GPC6: variants seen among roughly 807,000 people sequenced by gnomAD.
GPC6 encodes glypican-6.
Under a neutral mutation model 55.2 loss-of-function variants are expected in GPC6, and 14 were observed. The observed-to-expected ratio is 0.25, with a 90% confidence interval of 0.17 to 0.40. GPC6 has a LOEUF of 0.40. Among genes scored for constraint, GPC6 ranks in the 10% least tolerant of loss-of-function variants. GPC6 has a pLI of 1.00. For missense variants in GPC6, 641 were observed against 708.5 expected (o/e 0.90, Z 1.08); for synonymous variants, 278 against 259.6 (o/e 1.07, Z -0.68).
At chr13:94,354,628 C>T (rs935381198) in intron 6 of GPC6, among the ~76,000 whole-genome samples, 1 of 152,216 alleles carries the variant, frequency 6.6e-6, no homozygotes, top group Non-Finnish European at 1.5e-5. Flanking sequence ...TCAGCACAGT[C>T]CCTGCTATTC....
At chr13:93,919,850 T>G (rs1484105977) in intron 3 of GPC6, among the ~76,000 whole-genome samples, 3 of 152,212 alleles carry the variant, frequency 2.0e-5, no homozygotes, top group Admixed American at 6.5e-5. Context: ...AAAGAAGATG[T>G]AGCTTATTAT....
intron 2 of GPC6, among the ~76,000 whole-genome samples, chr13:93,628,198 T>G (rs1054696503): frequency 6.6e-6 from 1 of 152,232 alleles, no homozygotes; most frequent in South Asian, 2.1e-4. Context: ...AATTTATTAG[T>G]TGTCTGTTCC....
rs1886458623 is a variant in GPC6, at chr13:93,803,908, G to T, written c.320-26246G>T. Among the ~76,000 whole-genome samples the T allele has an allele frequency of 2.6e-5, 4 of 152,062 alleles. No homozygotes were observed. In the South Asian group the frequency reaches 8.3e-4, roughly 31 times the overall value. Reference sequence around the variant, plus strand: ...GTGGCTGGGGTGGGGAATGGTAGAGGGTTGGGAGAAAATCAGAACGGCTGC... The same window carrying T: ...GTGGCTGGGGTGGGGAATGGTAGAGTGTTGGGAGAAAATCAGAACGGCTGC... On this transcript the variant is annotated intron_variant, in intron 2 of 8. Coordinates refer to ENST00000377047, the MANE Select transcript of GPC6 (RefSeq NM_005708.5).
At chr13:94,169,892 G>GAA (rs372795498) in intron 4 of GPC6, among the ~76,000 whole-genome samples, 13 of 151,692 alleles carry the variant, frequency 8.6e-5, no homozygotes, top group African/African-American at 3.1e-4. Context: ...CAGAGAAAAT[G>GAA]AAAAAAAATG....
At chr13:93,702,288 G>A (rs938592611) in intron 2 of GPC6, among the ~76,000 whole-genome samples, 4 of 151,948 alleles carry the variant, frequency 2.6e-5, no homozygotes, top group African/African-American at 7.2e-5. Context: ...ATTTTGATAG[G>A]AATCTTTTTT....
chr13:94,140,959 G>C (rs1887354202), intron 4 of GPC6, among the ~76,000 whole-genome samples: 3 of 151,708 alleles, frequency 2.0e-5, no homozygotes, highest in Non-Finnish European at 4.4e-5. Context: ...ATAGATGTAG[G>C]CATGTGTTAA....
chr13:93,619,111 A>C lies in GPC6; in HGVS notation c.319+73690A>C, dbSNP rs753313866. ...CATATATATGATCTGTCAATGACAG[A>C]AAAGTCATTATGTGGTACATGACTG... On this transcript the variant is annotated intron_variant, in intron 2 of 8. Transcript: ENST00000377047. Among the ~76,000 whole-genome samples the C allele has an allele frequency of 3.9e-5, 6 of 152,178 alleles. No individual in the cohort carries two copies. The South Asian group carries it at 1.2e-3, about 31-fold the overall frequency.
intron 2 of GPC6, among the ~76,000 whole-genome samples, chr13:93,649,271 C>A (rs774760424): frequency 7.2e-5 from 11 of 152,088 alleles, no homozygotes; most frequent in Non-Finnish European, 1.6e-4. Context: ...AGCAACATGG[C>A]AAAAACCTGT....
At chr13:93,999,604 T>C (rs767381319) in intron 3 of GPC6, among the ~76,000 whole-genome samples, 21 of 152,230 alleles carry the variant, frequency 1.4e-4, no homozygotes, top group Admixed American at 2.6e-4. Flanking sequence ...TCATCCCTGT[T>C]GTTGCAAATG....
intron 4 of GPC6, among the ~76,000 whole-genome samples, chr13:94,266,080 C>T (rs1891791858): frequency 6.6e-6 from 1 of 152,046 alleles, no homozygotes. Flanking sequence ...CTTGACCTCT[C>T]ATCACCTGCA....
intron 1 of GPC6, among the ~76,000 whole-genome samples, chr13:93,522,126 A>G (rs2139400852): frequency 6.6e-6 from 1 of 152,100 alleles, no homozygotes; most frequent in South Asian, 2.1e-4. Flanking sequence ...AAAACTAAGC[A>G]GTTTCTAGGC....
At chr13:94,084,209 C>G (rs1594723045) in intron 4 of GPC6, among the ~76,000 whole-genome samples, 1 of 152,102 alleles carries the variant, frequency 6.6e-6, no homozygotes, top group African/African-American at 2.4e-5. Flanking sequence ...GCACATAAAT[C>G]CAGAGAAACA....
chr13:93,860,497 AT>A (rs1436481293), intron 3 of GPC6, among the ~76,000 whole-genome samples: 1 of 151,620 alleles, frequency 6.6e-6, no homozygotes, highest in Non-Finnish European at 1.5e-5. Context: ...ATAGACCTAA[AT>A]TTGGTGTTTA....
chr13:93,968,864 A>G (rs1216536199), intron 3 of GPC6, among the ~76,000 whole-genome samples: 1 of 152,182 alleles, frequency 6.6e-6, no homozygotes, highest in Non-Finnish European at 1.5e-5. Context: ...GTCAAGGATC[A>G]ATATAGAATT....
chr13:94,157,165 G>T (rs1887980137), intron 4 of GPC6, among the ~76,000 whole-genome samples: 1 of 152,140 alleles, frequency 6.6e-6, no homozygotes. Flanking sequence ...TGGGCAAGGT[G>T]ATTTTACCTG....
intron 2 of GPC6, among the ~76,000 whole-genome samples, chr13:93,590,704 C>A (rs1456039990): frequency 1.3e-5 from 2 of 152,110 alleles, no homozygotes; most frequent in Admixed American, 6.5e-5. Context: ...GTAGGTATGA[C>A]TGATAGAAAG....
At chr13:93,499,948 A>G (rs1432678449) in intron 1 of GPC6, among the ~76,000 whole-genome samples, 5 of 152,120 alleles carry the variant, frequency 3.3e-5, no homozygotes, top group Non-Finnish European at 7.4e-5. Context: ...TTTTGCTTGT[A>G]TCTTCCCAGC....
intron 4 of GPC6, among the ~76,000 whole-genome samples, chr13:94,071,417 A>G (rs1369381893): frequency 6.6e-6 from 1 of 152,188 alleles, no homozygotes; most frequent in Non-Finnish European, 1.5e-5. Context: ...ATTATTGAAA[A>G]TCTATCTGTC....
At chr13:94,306,986 T>C (rs17253794) in intron 6 of GPC6, among the ~76,000 whole-genome samples, 2,604 of 152,320 alleles carry the variant, frequency 0.017, 39 homozygotes, top group East Asian at 0.067. Context: ...CATATAAACT[T>C]AGATCTCAAA....
Sources: gnomAD v4.1 joint callset for allele counts (sites outside exome capture counted in the v4.1 genomes callset) on GRCh38, gnomAD v4.1.1 for gene constraint, MANE v1.5 for transcripts, NCBI Gene and HGNC (gene_info 2026-07-23, HGNC 2026-07-21) for gene names.